The following USP9X variants were observed in gnomAD, a reference collection of about 807,000 sequenced individuals.
USP9X encodes the protein ubiquitin carboxyl-terminal hydrolase 9X.
Under a neutral mutation model 190.3 loss-of-function variants are expected in USP9X, and 7 were observed. The ratio of observed to expected loss-of-function variants is 0.04; its 90% confidence interval spans 0.02 to 0.07. USP9X has a LOEUF of 0.07. Among genes scored for constraint, USP9X ranks in the 10% least tolerant of loss-of-function variants. The pLI, the probability that USP9X is intolerant of heterozygous loss-of-function variation, is 1.00. For synonymous variants in USP9X, 645 were observed against 659.5 expected (o/e 0.98, Z 0.34); for missense variants, 1,010 against 1,916.9 (o/e 0.53, Z 8.83).
chrX:41,122,932 C>A (rs2062203476), intron 1 of USP9X, among the ~76,000 whole-genome samples: 2 of 111,203 alleles, frequency 1.8e-5, no homozygotes, highest in African/African-American at 6.6e-5. Context: ...TCTCTTCTCT[C>A]CTTCTCTGCT....
rs377596178 is a variant in USP9X, at chrX:41,201,124, C to T, written c.4668C>T (p.Phe1556=). ...PPVGPRPPKG[F]VGLKNAGATC... Reference sequence around the variant, plus strand: ...TTGGACCCCGCCCACCCAAAGGATTCGTGGGGCTGAAAAATGCCGGTGCTA... The same window carrying T: ...TTGGACCCCGCCCACCCAAAGGATTTGTGGGGCTGAAAAATGCCGGTGCTA... Residue 1556 remains phenylalanine, a synonymous_variant, in exon 31 of 45, where the codon TTC becomes TTT. Transcript: ENST00000378308. The T allele has an allele frequency of 7.7e-4, 932 of 1,209,748 alleles. 1 individual carries two copies. The highest frequency in any genetic ancestry group is 9.7e-4 in the Non-Finnish European group (870 of 895,208).
chrX:41,148,692 T>C (rs771660021), intron 12 of USP9X, 117 bp downstream of exon 12: 29 of 696,193 alleles, frequency 4.2e-5, no homozygotes, highest in Non-Finnish European at 6.1e-5. Context: ...TCTTCCGGAG[T>C]TGACTTTTTT....
intron 2 of USP9X, among the ~76,000 whole-genome samples, chrX:41,127,677 G>A (rs1319494607): frequency 8.9e-6 from 1 of 112,239 alleles, no homozygotes; most frequent in African/African-American, 3.2e-5. Context: ...CACCTGCACA[G>A]TGCACCATTT....
At chrX:41,190,560 C>T (rs775979558) in intron 26 of USP9X, among the ~76,000 whole-genome samples, 2 of 111,609 alleles carry the variant, frequency 1.8e-5, no homozygotes, top group Non-Finnish European at 1.9e-5. Flanking sequence ...ATGATGCATA[C>T]GTGTGGGAAT....
chrX:41,123,645 G>A lies in USP9X; in HGVS notation c.17G>A (p.Arg6His), dbSNP rs1419353367. 12 of 1,211,374 alleles carry A rather than the reference G, an allele frequency of 9.9e-6. No individual in the cohort carries two copies. Among genetic ancestry groups the A allele is most frequent in the East Asian group, 3.0e-5 (1 of 33,836 alleles). Residue 6 changes from arginine (R) to histidine (H), a missense_variant, in exon 2 of 45, where the codon CGT becomes CAT. By Grantham distance (29) the Arg-to-His change is conservative. Transcript: ENST00000378308. Reference sequence around the variant, plus strand: ...GTGTCGAGTATGACAGCCACGACTCGTGGCTCTCCGGTCGGAGGGAATGAC... The same window carrying A: ...GTGTCGAGTATGACAGCCACGACTCATGGCTCTCCGGTCGGAGGGAATGAC... Reference protein sequence around the residue: MTATTRGSPVGGNDNQ... With the variant: MTATTHGSPVGGNDNQ...
At position 41,167,585 on chromosome X, in the gene USP9X, T is replaced by C. The variant is rs764012741; in HGVS notation, c.2424+8T>C. The C allele has an allele frequency of 2.6e-6, 3 of 1,149,231 alleles. No homozygotes were observed. The highest frequency in any genetic ancestry group is 4.7e-5 in the Admixed American group (2 of 42,312). 94.7% of individuals were successfully genotyped at this position (1,149,231 alleles called of 1,213,427 possible). A position where few individuals can be genotyped will look rare whatever the true frequency, so the allele number is the denominator to read the frequency against. On this transcript the variant is annotated splice_region_variant and intron_variant, in intron 17 of 44. Coordinates refer to ENST00000378308, the MANE Select transcript of USP9X (RefSeq NM_001039591.3). ...AGACTACAAGTCAATCAGGTGAGGA[T>C]TGATGTGCATTAAAACTTCCATATA...
chrX:41,096,379 A>G (rs1383560392), intron 1 of USP9X, among the ~76,000 whole-genome samples: 1 of 112,591 alleles, frequency 8.9e-6, no homozygotes, highest in Non-Finnish European at 1.9e-5. Context: ...TTACTATTTT[A>G]AGTGAGAATG....
chrX:41,102,991 G>A (rs1288280447), intron 1 of USP9X, among the ~76,000 whole-genome samples: 7 of 110,128 alleles, frequency 6.4e-5, no homozygotes, highest in Non-Finnish European at 3.8e-5. Context: ...ACAGGGTTTC[G>A]CCATATTGGC....
intron 38 of USP9X, 124 bp from the exon 39 acceptor site, chrX:41,223,092 TA>T: frequency 1.4e-6 from 1 of 689,883 alleles, no homozygotes; most frequent in Non-Finnish European, 2.1e-6. Context: ...TTTCTGATCA[TA>T]AAAATTATAG....
At position 41,217,372 on chromosome X, in the gene USP9X, T is replaced by G. The variant is rs376279159; in HGVS notation, c.6209+29T>G. On this transcript the variant is annotated intron_variant, in intron 36 of 44. Coordinates refer to ENST00000378308, the MANE Select transcript of USP9X (RefSeq NM_001039591.3). ...CATTGCTTTGGATTTTCATTCCTAT[T>G]ATACTAATGTTTGGTTTGCTTCTTT... The G allele has an allele frequency of 3.3e-5, 39 of 1,169,823 alleles. No homozygotes were observed. The African/African-American group carries it at 4.1e-4, about 12-fold the overall frequency.
intron 1 of USP9X, among the ~76,000 whole-genome samples, chrX:41,086,737 G>C (rs1288745114): frequency 8.9e-6 from 1 of 112,586 alleles, no homozygotes; most frequent in African/African-American, 3.2e-5. Flanking sequence ...TTTATTTGCA[G>C]AGGGCCAAAG....
At chrX:41,164,160 G>A (rs768225605) in intron 15 of USP9X, among the ~76,000 whole-genome samples, 1 of 111,579 alleles carries the variant, frequency 9.0e-6, no homozygotes, top group African/African-American at 3.3e-5. Context: ...GTAAGCCACC[G>A]TGCCTGGCCC....
intron 1 of USP9X, among the ~76,000 whole-genome samples, chrX:41,099,124 A>ATTTTTTTTTTTTTTTTC (rs2062017789): frequency 2.2e-5 from 1 of 45,958 alleles, no homozygotes; most frequent in Non-Finnish European, 3.7e-5. Flanking sequence ...TTTTTTTTTA[A>ATTTTTTTTTTTTTTTTC]ACAGAGATGG....
intron 29 of USP9X, 37 bp from the exon 30 acceptor site, chrX:41,198,491 G>A (rs749640466): frequency 8.6e-6 from 9 of 1,042,986 alleles, no homozygotes; most frequent in East Asian, 3.1e-5. Flanking sequence ...AAAATATATA[G>A]CATTGCTAAT....
At chrX:41,136,355 T>G (rs988130375) in intron 5 of USP9X, among the ~76,000 whole-genome samples, 1 of 111,273 alleles carries the variant, frequency 9.0e-6, no homozygotes, top group Admixed American at 9.5e-5. Flanking sequence ...GAGACAGGGT[T>G]TCACCCTGTT....
Position 41,090,289 on chromosome X carries a change from A to G in USP9X, c.-159+4180A>G, listed in dbSNP as rs1358372620. 2.7e-5 allele frequency among the ~76,000 whole-genome samples: 3 copies of G among 111,220 alleles called. No homozygotes were observed. The Admixed American group carries it at 2.9e-4, about 11-fold the overall frequency. On this transcript the variant is annotated intron_variant, in intron 1 of 44. Coordinates refer to ENST00000378308, the MANE Select transcript of USP9X (RefSeq NM_001039591.3). Reference sequence around the variant, plus strand: ...GAAAATGAGACTATAAGGATCATGAAAAAAGTTGATGTAATAAGGAAAAAG... The same window carrying G: ...GAAAATGAGACTATAAGGATCATGAGAAAAGTTGATGTAATAAGGAAAAAG...
At chrX:41,095,978 C>G (rs764061581) in intron 1 of USP9X, among the ~76,000 whole-genome samples, 4 of 112,053 alleles carry the variant, frequency 3.6e-5, no homozygotes, top group Non-Finnish European at 7.5e-5. Flanking sequence ...TTTGGCTTTT[C>G]TGCCACAGAA....
chrX:41,098,265 C>T (rs1488968508), intron 1 of USP9X, among the ~76,000 whole-genome samples: 1 of 108,526 alleles, frequency 9.2e-6, no homozygotes, highest in Non-Finnish European at 1.9e-5. Flanking sequence ...CTCAGCCTCC[C>T]GAGTAGCTGG....
chrX:41,172,781 C>T (rs138216878), intron 21 of USP9X, among the ~76,000 whole-genome samples: 1 of 111,575 alleles, frequency 9.0e-6, no homozygotes, highest in South Asian at 3.7e-4. Flanking sequence ...CAAACTATCA[C>T]GTTTGATTAA....
Sources: allele counts gnomAD v4.1 joint callset (sites outside exome capture counted in the v4.1 genomes callset), GRCh38; gene constraint gnomAD v4.1.1; transcripts MANE v1.5; gene names NCBI Gene and HGNC (gene_info 2026-07-23, HGNC 2026-07-21).